Variants in LRP1B observed in about 807,000 individuals in gnomAD.
The protein encoded by LRP1B is low-density lipoprotein receptor-related protein 1B.
Under a neutral mutation model 556.6 loss-of-function variants are expected in LRP1B, and 217 were observed. That is an observed-to-expected ratio of 0.39 (90% CI 0.35 to 0.44). The LOEUF is 0.44. Ranked by LOEUF, LRP1B falls within the 20% of genes least tolerant of loss-of-function variation. The pLI is 1.00. For synonymous variants in LRP1B, 2,047 were observed against 1,865.8 expected (o/e 1.10, Z -2.50); for missense variants, 5,053 against 5,620.8 (o/e 0.90, Z 3.23).
chr2:141,009,916 C>G (rs961475739), intron 14 of LRP1B, among the ~76,000 whole-genome samples: 2 of 151,998 alleles, frequency 1.3e-5, no homozygotes, highest in Admixed American at 6.6e-5. Context: ...AGATCTGAAT[C>G]TGAATCTTAG....
At chr2:140,328,034 G>A (rs146897561) in intron 79 of LRP1B, among the ~76,000 whole-genome samples, 1 of 151,966 alleles carries the variant, frequency 6.6e-6, no homozygotes, top group African/African-American at 2.4e-5. Context: ...TCCTGTTACA[G>A]AGATGAGAAT....
At chr2:141,836,304 C>A (rs1697275996) in intron 1 of LRP1B, among the ~76,000 whole-genome samples, 1 of 151,872 alleles carries the variant, frequency 6.6e-6, no homozygotes, top group Non-Finnish European at 1.5e-5. Context: ...AAGTGTCAAC[C>A]TATTTGGAGA....
intron 3 of LRP1B, among the ~76,000 whole-genome samples, chr2:141,443,551 T>C (rs914397026): frequency 6.6e-6 from 1 of 152,248 alleles, no homozygotes; most frequent in African/African-American, 2.4e-5. Flanking sequence ...CTAGGGTTTT[T>C]ATGGTTTTAG....
At chr2:141,491,891 A>G (rs1038436158) in intron 2 of LRP1B, among the ~76,000 whole-genome samples, 2 of 152,022 alleles carry the variant, frequency 1.3e-5, no homozygotes, top group Admixed American at 6.6e-5. Context: ...TTCTTCCTCT[A>G]TAGGCTAAAA....
At chr2:141,539,682 G>A (rs913026764) in intron 2 of LRP1B, among the ~76,000 whole-genome samples, 4 of 152,138 alleles carry the variant, frequency 2.6e-5, no homozygotes, top group Non-Finnish European at 4.4e-5. Context: ...AGGCTTTGAA[G>A]ACCTAAATGT....
At chr2:141,419,508 G>A (rs1262359423) in intron 3 of LRP1B, among the ~76,000 whole-genome samples, 1 of 152,072 alleles carries the variant, frequency 6.6e-6, no homozygotes, top group Non-Finnish European at 1.5e-5. Context: ...ATCTTGGTAG[G>A]TAGTAGGCTA....
chr2:140,615,292 G>T (rs1683217242), intron 41 of LRP1B, among the ~76,000 whole-genome samples: 1 of 151,996 alleles, frequency 6.6e-6, no homozygotes, highest in African/African-American at 2.4e-5. Flanking sequence ...AACCCTCTAT[G>T]GTTTCATCCC....
intron 1 of LRP1B, among the ~76,000 whole-genome samples, chr2:141,865,111 C>T (rs1698363511): frequency 1.3e-5 from 2 of 152,084 alleles, no homozygotes; most frequent in African/African-American, 4.8e-5. Context: ...TGAAGAAACC[C>T]TAGCAAAAGA....
chr2:141,490,172 G>C (rs1393535457), intron 2 of LRP1B, among the ~76,000 whole-genome samples: 1 of 152,032 alleles, frequency 6.6e-6, no homozygotes, highest in Non-Finnish European at 1.5e-5. Flanking sequence ...AATTTTGTTT[G>C]CATCTAACAT....
intron 23 of LRP1B, among the ~76,000 whole-genome samples, chr2:140,901,955 T>C (rs1014837883): frequency 6.6e-6 from 1 of 152,088 alleles, no homozygotes; most frequent in Non-Finnish European, 1.5e-5. Context: ...ATTGAATTAG[T>C]AGCGGGTTTC....
At position 141,613,825 on chromosome 2, in the gene LRP1B, C is replaced by T. The variant is rs190479577; in HGVS notation, c.206-133292G>A. Among the ~76,000 whole-genome samples the T allele has an allele frequency of 2.8e-3, 427 of 152,126 alleles. 4 individuals carry two copies. Among genetic ancestry groups the T allele is most frequent in the African/African-American group, 9.9e-3 (410 of 41,504 alleles). On this transcript the variant is annotated intron_variant, in intron 2 of 90. Coordinates refer to ENST00000389484, the MANE Select transcript of LRP1B (RefSeq NM_018557.3). ...TGGCAGCTCATGCATGTAATCCCAG[C>T]ACTTTGGGAGGCCAAGGCAGGTGGA...
intron 41 of LRP1B, among the ~76,000 whole-genome samples, chr2:140,623,096 C>T (rs1683514228): frequency 6.6e-6 from 1 of 152,158 alleles, no homozygotes; most frequent in South Asian, 2.1e-4. Context: ...TGCAATGTCA[C>T]TGAGCTGATG....
At chr2:141,158,163 T>C (rs977668555) in intron 7 of LRP1B, among the ~76,000 whole-genome samples, 1 of 152,092 alleles carries the variant, frequency 6.6e-6, no homozygotes, top group African/African-American at 2.4e-5. Context: ...ATTAATATAT[T>C]TTTTTCTCTT....
intron 41 of LRP1B, 131 bp downstream of exon 41, chr2:140,700,119 T>C: frequency 2.5e-6 from 2 of 810,720 alleles, no homozygotes; most frequent in Non-Finnish European, 3.8e-6. Flanking sequence ...GGTTAGATGA[T>C]ATAGTCACAT....
intron 41 of LRP1B, among the ~76,000 whole-genome samples, chr2:140,613,521 T>TCCAACTATAAGAATCTTCATGATGACC (rs1277568753): frequency 1.3e-5 from 2 of 150,284 alleles, no homozygotes; most frequent in Admixed American, 1.4e-4. Flanking sequence ...TGTTTGTGAC[T>TCCAACTATAAGAATCTTCATGATGACC]CCAACTATAA....
intron 49 of LRP1B, among the ~76,000 whole-genome samples, chr2:140,522,622 A>G (rs1601480): frequency 0.99 from 149,518 of 151,742 alleles, 73,698 homozygotes; most frequent in Middle Eastern, 1. Flanking sequence ...TCAATGAAAT[A>G]AAATGCTGGT....
intron 21 of LRP1B, among the ~76,000 whole-genome samples, chr2:140,911,553 C>G (rs931117088): frequency 6.6e-5 from 10 of 151,758 alleles, no homozygotes; most frequent in Non-Finnish European, 1.5e-4. Flanking sequence ...GTGCCTTACC[C>G]TTTCCTAAGG....
chr2:141,312,511 T>C (rs1310999091), intron 3 of LRP1B, among the ~76,000 whole-genome samples: 1 of 152,152 alleles, frequency 6.6e-6, no homozygotes, highest in African/African-American at 2.4e-5. Context: ...CTCAAAGTTA[T>C]ACATGGATTT....
chr2:141,020,293 CT>C (rs1294735275), intron 11 of LRP1B, among the ~76,000 whole-genome samples, 191 bp from the exon 12 acceptor site: 1 of 151,850 alleles, frequency 6.6e-6, no homozygotes, highest in Admixed American at 6.6e-5. Flanking sequence ...TTTTGAATGC[CT>C]TTTTATGTGA....
Sources: allele counts gnomAD v4.1 joint callset (sites outside exome capture counted in the v4.1 genomes callset), GRCh38; gene constraint gnomAD v4.1.1; transcripts MANE v1.5; gene names NCBI Gene and HGNC (gene_info 2026-07-23, HGNC 2026-07-21).